Variants in GARRE1 observed in about 807,000 individuals in gnomAD.
The protein encoded by GARRE1 is granule associated Rac and RHOG effector protein 1.
Under a neutral mutation model 103.2 loss-of-function variants are expected in GARRE1, and 49 were observed. The ratio of observed to expected loss-of-function variants is 0.47; its 90% CI spans 0.38 to 0.60. The LOEUF is 0.60. Ranked by LOEUF, GARRE1 falls within the 20% of genes least tolerant of loss-of-function variation. The pLI, the probability that GARRE1 is intolerant of heterozygous loss-of-function variation, is 0.00. For synonymous variants in GARRE1, 505 were observed against 532.8 expected (o/e 0.95, Z 0.72); for missense variants, 1,199 against 1,370.5 (o/e 0.87, Z 1.98).
At chr19:34,261,055 G>A (rs1372751901) in intron 1 of GARRE1, among the ~76,000 whole-genome samples, 5 of 152,178 alleles carry the variant, frequency 3.3e-5, no homozygotes, top group Non-Finnish European at 5.9e-5. Context: ...ACAGATGGGC[G>A]TGTCCCTGTT....
chr19:34,321,608 C>A (rs1235711013), intron 3 of GARRE1, among the ~76,000 whole-genome samples: 1 of 151,960 alleles, frequency 6.6e-6, no homozygotes, highest in African/African-American at 2.4e-5. Flanking sequence ...CGCCCGCCAC[C>A]ATGCCCGGCT....
At chr19:34,303,430 G>A (rs922874357) in intron 2 of GARRE1, among the ~76,000 whole-genome samples, 2 of 152,200 alleles carry the variant, frequency 1.3e-5, no homozygotes, top group Non-Finnish European at 2.9e-5. Context: ...TGACTTTTAA[G>A]TAACACAACT....
intron 3 of GARRE1, among the ~76,000 whole-genome samples, chr19:34,326,680 A>G (rs1022464730): frequency 1.3e-4 from 20 of 150,768 alleles, no homozygotes; most frequent in Non-Finnish European, 2.7e-4. Flanking sequence ...CCAACCATGT[A>G]TGTTCTTCCT....
At chr19:34,270,594 G>A (rs1248402004) in intron 1 of GARRE1, among the ~76,000 whole-genome samples, 1 of 152,094 alleles carries the variant, frequency 6.6e-6, no homozygotes, top group Admixed American at 6.6e-5. Flanking sequence ...GATCTTTGAG[G>A]GGGGCCTCAG....
chr19:34,334,841 G>T (rs2074153719), intron 8 of GARRE1, among the ~76,000 whole-genome samples: 1 of 152,148 alleles, frequency 6.6e-6, no homozygotes, highest in African/African-American at 2.4e-5. Context: ...ATCTCCTGAG[G>T]TCAGGAGTTC....
intron 8 of GARRE1, among the ~76,000 whole-genome samples, chr19:34,334,067 A>G (rs2074149909): frequency 6.6e-6 from 1 of 152,186 alleles, no homozygotes; most frequent in Non-Finnish European, 1.5e-5. Flanking sequence ...AATGAGCAGT[A>G]TTATCTTTGT....
intron 7 of GARRE1, among the ~76,000 whole-genome samples, 160 bp from the exon 8 acceptor site, chr19:34,333,544 C>T (rs1272283602): frequency 2.0e-5 from 3 of 152,176 alleles, no homozygotes; most frequent in Non-Finnish European, 2.9e-5. Flanking sequence ...TCTGTTACTA[C>T]TTGCTGTTGT....
chr19:34,281,181 C>T (rs1486090772), intron 1 of GARRE1, among the ~76,000 whole-genome samples: 2 of 152,092 alleles, frequency 1.3e-5, no homozygotes, highest in Admixed American at 6.5e-5. Flanking sequence ...AGTATAGTGG[C>T]GCCATGTTGG....
At chr19:34,332,832 C>G (rs1425867570) in intron 7 of GARRE1, among the ~76,000 whole-genome samples, 2 of 151,508 alleles carry the variant, frequency 1.3e-5, no homozygotes, top group Admixed American at 1.3e-4. Context: ...TTGTCAAACT[C>G]TAGATTACAT....
At chr19:34,323,738 C>T (rs1259707014) in intron 3 of GARRE1, among the ~76,000 whole-genome samples, 52 of 152,178 alleles carry the variant, frequency 3.4e-4, no homozygotes, top group Admixed American at 3.4e-3. Context: ...AACCTAACAC[C>T]TGCCTTGGTC....
At chr19:34,284,081 C>T (rs1377488618) in intron 1 of GARRE1, among the ~76,000 whole-genome samples, 1 of 150,420 alleles carries the variant, frequency 6.6e-6, no homozygotes, top group Admixed American at 6.7e-5. Context: ...CCGCCCGCCT[C>T]AGCCTCCCAA....
At chr19:34,350,084 G>A (rs1204392147) in intron 12 of GARRE1, among the ~76,000 whole-genome samples, 1 of 152,168 alleles carries the variant, frequency 6.6e-6, no homozygotes, top group Non-Finnish European at 1.5e-5. Context: ...AATCATGTCA[G>A]GTTAGGCTAG....
At chr19:34,344,329 G>A (rs891342732) in intron 10 of GARRE1, among the ~76,000 whole-genome samples, 7 of 152,190 alleles carry the variant, frequency 4.6e-5, no homozygotes, top group African/African-American at 1.4e-4. Flanking sequence ...TGTGGCTCAC[G>A]CCTGTAATCC....
intron 1 of GARRE1, among the ~76,000 whole-genome samples, chr19:34,286,294 A>T (rs1056551101): frequency 1.3e-5 from 2 of 149,004 alleles, no homozygotes; most frequent in Non-Finnish European, 3.0e-5. Context: ...ATTTCGGCTC[A>T]CTGCAAGCTC....
chr19:34,270,130 C>T lies in GARRE1; in HGVS notation c.-796+15516C>T, dbSNP rs1189226355. 2.6e-5 allele frequency among the ~76,000 whole-genome samples: 4 copies of T among 152,226 alleles called. No individual in the cohort carries two copies. The East Asian group carries it at 5.8e-4, about 22-fold the overall frequency. ...GCTTTGTGAACTTCCTCCCCCACTT[C>T]CTATTTTTACCGCAGTTGCACAGGA... On this transcript the variant is annotated intron_variant, in intron 1 of 13. Coordinates refer to ENST00000299505, the MANE Select transcript of GARRE1 (RefSeq NM_014686.5).
At chr19:34,318,578 A>T (rs2074070575) in intron 2 of GARRE1, among the ~76,000 whole-genome samples, 1 of 152,244 alleles carries the variant, frequency 6.6e-6, no homozygotes, top group African/African-American at 2.4e-5. Flanking sequence ...AATATCTTCC[A>T]CAAAAAATTA....
intron 3 of GARRE1, among the ~76,000 whole-genome samples, chr19:34,324,051 G>C (rs774883558): frequency 7.9e-5 from 12 of 152,070 alleles, no homozygotes; most frequent in Non-Finnish European, 1.5e-4. Context: ...CAGAGGAGGT[G>C]CCCTCTCCTC....
At chr19:34,267,574 A>G (rs2073760026) in intron 1 of GARRE1, among the ~76,000 whole-genome samples, 2 of 152,200 alleles carry the variant, frequency 1.3e-5, no homozygotes, top group Admixed American at 6.5e-5. Context: ...TTCTTAAATA[A>G]CTTTCTAATG....
rs200536386 is a variant in GARRE1, at chr19:34,328,156, C to G, written c.1104+5C>G. 1.5e-5 allele frequency: 25 copies of G among 1,613,030 alleles called. No individual in the cohort carries two copies. In the Admixed American group the frequency reaches 3.2e-4, roughly 20 times the overall value. ...GACAATCTGAAACTTAAGACGGTAGCTTTCCATGGGGTTCCAGCAAATGAG... is the reference window on the plus strand; with the variant it reads ...GACAATCTGAAACTTAAGACGGTAGGTTTCCATGGGGTTCCAGCAAATGAG... On this transcript the variant is annotated splice_donor_5th_base_variant and intron_variant, in intron 6 of 13. Transcript: ENST00000299505.
Sources: allele counts gnomAD v4.1 joint callset (sites outside exome capture counted in the v4.1 genomes callset), GRCh38; gene constraint gnomAD v4.1.1; transcripts MANE v1.5; gene names NCBI Gene and HGNC (gene_info 2026-07-23, HGNC 2026-07-21).